The following HPN variants were observed in gnomAD, a reference collection of about 807,000 sequenced individuals.
The protein encoded by HPN is hepsin.
A neutral mutation model predicts 55.9 loss-of-function variants in HPN; 13 were observed. The ratio of observed to expected loss-of-function variants is 0.23; its 90% CI spans 0.15 to 0.37. The LOEUF is 0.37. HPN is among the 10% of genes least tolerant of loss of function. The pLI is 1.00. For missense variants in HPN, 451 were observed against 575.8 expected (o/e 0.78, Z 2.22); for synonymous variants, 225 against 240.3 (o/e 0.94, Z 0.59).
intron 11 of HPN, 83 bp from the exon 12 acceptor site, chr19:35,065,784 TG>T: frequency 1.3e-6 from 2 of 1,589,982 alleles, no homozygotes. Context: ...CTGAGGGCTC[TG>T]GGGCCACAGC....
chr19:35,058,041 C>G (rs1469590815), intron 4 of HPN, among the ~76,000 whole-genome samples: 1 of 149,504 alleles, frequency 6.7e-6, no homozygotes. Flanking sequence ...TAATCCCAGC[C>G]ACTCGGGAGG....
chr19:35,047,396 T>C (rs1347154545), intron 2 of HPN, among the ~76,000 whole-genome samples: 3 of 152,326 alleles, frequency 2.0e-5, no homozygotes, highest in South Asian at 2.1e-4. Context: ...TTTCAGAGCT[T>C]AGCTCAGAAG....
intron 11 of HPN, 22 bp downstream of exon 11, chr19:35,065,703 GC>G: frequency 2.5e-6 from 4 of 1,613,242 alleles, no homozygotes; most frequent in Non-Finnish European, 1.7e-6. Flanking sequence ...TGTAGGGGCA[GC>G]CCCCTGGTCG....
Position 35,042,455 on chromosome 19 carries a change from C to A in HPN, c.-52C>A. The A allele has an allele frequency of 1.3e-6, 2 of 1,583,082 alleles. No homozygotes were observed. The highest frequency in any genetic ancestry group is 1.7e-4 in the Middle Eastern group (1 of 6,010). ...CCTCCCCGTCCATCTCCTCACAGGT[C>A]CCACCCTGGCCCAGGAGGTCAGCCA... On this transcript the variant is annotated splice_region_variant and 5_prime_UTR_variant, in exon 2 of 13. Transcript: ENST00000672452.
chr19:35,062,870 G>A (rs773382359), intron 9 of HPN, among the ~76,000 whole-genome samples: 9 of 147,964 alleles, frequency 6.1e-5, no homozygotes, highest in Non-Finnish European at 1.3e-4. Flanking sequence ...TTGATAGAGC[G>A]AGACCCTGTC....
chr19:35,041,223 C>G (rs866530510), upstream of HPN, among the ~76,000 whole-genome samples: 30 of 152,236 alleles, frequency 2.0e-4, no homozygotes, highest in Middle Eastern at 3.4e-3. Flanking sequence ...AAACCAGCCC[C>G]GTGACTTGTA....
chr19:35,061,135 G>A (rs1156668801), intron 9 of HPN, among the ~76,000 whole-genome samples: 2 of 152,182 alleles, frequency 1.3e-5, no homozygotes, highest in Non-Finnish European at 2.9e-5. Flanking sequence ...GTTCATAGCA[G>A]CATTATTCAT....
chr19:35,058,757 T>C (rs892904257), intron 4 of HPN, among the ~76,000 whole-genome samples: 10 of 151,942 alleles, frequency 6.6e-5, no homozygotes, highest in Middle Eastern at 3.4e-3. Flanking sequence ...ATGCTGTCTG[T>C]GTACGTATAA....
At chr19:35,044,959 C>T (rs556716295) in intron 2 of HPN, among the ~76,000 whole-genome samples, 24 of 151,486 alleles carry the variant, frequency 1.6e-4, no homozygotes, top group Middle Eastern at 3.4e-3. Flanking sequence ...GGCAGGCTGT[C>T]GGGGGAGGGG....
intron 4 of HPN, 130 bp downstream of exon 4, chr19:35,049,646 T>A: frequency 1.2e-6 from 1 of 866,336 alleles, no homozygotes; most frequent in Admixed American, 2.2e-5. Flanking sequence ...ATAGTGCATT[T>A]GTATTGAGTG....
At chr19:35,045,767 C>T (rs2064336194) in intron 2 of HPN, among the ~76,000 whole-genome samples, 2 of 148,352 alleles carry the variant, frequency 1.3e-5, no homozygotes, top group Admixed American at 6.7e-5. Flanking sequence ...GCGTCCCACA[C>T]CGTGGGCCAG....
At chr19:35,045,393 T>G (rs775203529) in intron 2 of HPN, among the ~76,000 whole-genome samples, 5 of 152,064 alleles carry the variant, frequency 3.3e-5, no homozygotes, top group Non-Finnish European at 5.9e-5. Context: ...GCTGCAGTCA[T>G]GTAAGATGAG....
chr19:35,060,351 T>C lies in HPN; in HGVS notation c.459T>C (p.Cys153=). 1.2e-6 allele frequency: 2 copies of C among 1,611,428 alleles called. No homozygotes were observed. Residue 153 remains cysteine, a synonymous_variant, in exon 8 of 13, where the codon TGT becomes TGC. Coordinates refer to ENST00000672452, the MANE Select transcript of HPN (RefSeq NM_001384133.1). ...GRFLAAICQD[C]GRRKLPVDRI... is the part of the protein sequence containing the mutation. ...CTGCTGACCCTTGTCCCACAGACTG[T>C]GGCCGCAGGAAGCTGCCCGTGGACC...
In HPN at chr19:35,065,672, T is replaced by C. The variant is rs766756212; in HGVS notation, c.1041T>C (p.Asp347=). Residue 347 remains aspartate, a synonymous_variant, in exon 11 of 13, where the codon GAT becomes GAC. Coordinates refer to ENST00000672452, the MANE Select transcript of HPN (RefSeq NM_001384133.1). ...FCAGYPEGGI[D]ACQGDSGGPF... ...CTGGCTACCCCGAGGGTGGCATTGATGCCTGCCAGGTGAGGGACTCTGTAG... is the reference window on the plus strand; with the variant it reads ...CTGGCTACCCCGAGGGTGGCATTGACGCCTGCCAGGTGAGGGACTCTGTAG... The C allele has an allele frequency of 1.7e-5, 28 of 1,614,006 alleles. No homozygotes were observed. Among genetic ancestry groups the C allele is most frequent in the Non-Finnish European group, 2.0e-5 (24 of 1,180,020 alleles).
intron 2 of HPN, among the ~76,000 whole-genome samples, chr19:35,045,668 CACGCAGGGAGG>C (rs1422340306): frequency 1.3e-5 from 2 of 151,566 alleles, no homozygotes; most frequent in East Asian, 4.0e-4. Context: ...CCAGTAGAGA[CACGCAGGGAGG>C]ATGAGGATGC....
chr19:35,057,293 G>A (rs1488490829), intron 4 of HPN, among the ~76,000 whole-genome samples: 1 of 152,068 alleles, frequency 6.6e-6, no homozygotes, highest in Non-Finnish European at 1.5e-5. Context: ...AAGTGTGGTG[G>A]CATGTGTCTG....
chr19:35,054,048 G>A (rs572834194), intron 4 of HPN, among the ~76,000 whole-genome samples: 62 of 152,356 alleles, frequency 4.1e-4, no homozygotes, highest in Admixed American at 1.7e-3. Context: ...TCCCGGTTTT[G>A]CTGGTTAGCC....
chr19:35,054,994 C>T (rs1370925461), intron 4 of HPN, among the ~76,000 whole-genome samples: 1 of 152,076 alleles, frequency 6.6e-6, no homozygotes, highest in Non-Finnish European at 1.5e-5. Context: ...GCTCTCAGAG[C>T]CCAGGCCAGG....
Position 35,065,336 on chromosome 19 carries a change from C to T in HPN, c.898C>T (p.Gln300Ter). ...TACCGTGACGGGCTGGGGCAACACG[C>T]AGTACTATGGTGAGTCCTGTCCTCT... Reference protein sequence around the residue: ...ICTVTGWGNTQYYGQQAGVLQ... With the variant: ...ICTVTGWGNT The change falls in exon 10 of 13, where the codon CAG (glutamine) becomes TAG (stop). Residue 300 changes from glutamine (Q) to a stop codon, truncating the protein, a stop_gained. Transcript: ENST00000672452. LOFTEE classifies it high-confidence loss of function. 6.2e-7 allele frequency: 1 copy of T among 1,613,396 alleles called. No homozygotes were observed. The highest frequency in any genetic ancestry group is 8.5e-7 in the Non-Finnish European group (1 of 1,179,506).
Sources: allele counts gnomAD v4.1 joint callset (sites outside exome capture counted in the v4.1 genomes callset), GRCh38; gene constraint gnomAD v4.1.1; transcripts MANE v1.5; gene names NCBI Gene and HGNC (gene_info 2026-07-23, HGNC 2026-07-21).